ADAMTS19: variants seen among roughly 807,000 people sequenced by gnomAD.
ADAMTS19 encodes A disintegrin and metalloproteinase with thrombospondin motifs 19.
A neutral mutation model predicts 153.3 loss-of-function variants in ADAMTS19; 93 were observed. The ratio of observed to expected loss-of-function variants is 0.61; its 90% confidence interval spans 0.51 to 0.72. ADAMTS19 has a LOEUF of 0.72. Ranked by LOEUF, ADAMTS19 falls within the 30% of genes least tolerant of loss-of-function variation. The pLI is 0.00. For missense variants in ADAMTS19, 1,482 were observed against 1,552.1 expected (o/e 0.95, Z 0.76); for synonymous variants, 600 against 556.6 (o/e 1.08, Z -1.10).
At chr5:129,584,496 GC>G (rs1346346360) in intron 7 of ADAMTS19, among the ~76,000 whole-genome samples, 1 of 152,154 alleles carries the variant, frequency 6.6e-6, no homozygotes, top group Non-Finnish European at 1.5e-5. Context: ...TGCACCCACA[GC>G]CGCCCCTTCA....
chr5:129,519,410 T>C (rs750962331), intron 3 of ADAMTS19, among the ~76,000 whole-genome samples: 3 of 152,064 alleles, frequency 2.0e-5, no homozygotes, highest in Non-Finnish European at 2.9e-5. Context: ...AGGAGTCTCT[T>C]TGGAGCCACC....
intron 16 of ADAMTS19, among the ~76,000 whole-genome samples, chr5:129,675,599 T>C (rs1267544438): frequency 6.6e-6 from 1 of 152,128 alleles, no homozygotes; most frequent in Non-Finnish European, 1.5e-5. Flanking sequence ...ATCATTACAG[T>C]TATTATATAT....
intron 17 of ADAMTS19, among the ~76,000 whole-genome samples, chr5:129,682,824 C>T (rs1378275302): frequency 2.0e-5 from 3 of 152,050 alleles, no homozygotes; most frequent in Non-Finnish European, 2.9e-5. Flanking sequence ...AAAGTCGACA[C>T]ACTAGTCTCC....
chr5:129,499,671 G>A (rs1177311280), intron 2 of ADAMTS19, among the ~76,000 whole-genome samples: 2 of 152,084 alleles, frequency 1.3e-5, no homozygotes, highest in Admixed American at 1.3e-4. Context: ...AAGCCCTCAT[G>A]AAGCACACCA....
intron 10 of ADAMTS19, among the ~76,000 whole-genome samples, chr5:129,631,030 T>C (rs956746784): frequency 4.6e-5 from 7 of 151,926 alleles, no homozygotes; most frequent in Non-Finnish European, 1.0e-4. Context: ...AAGACCTACA[T>C]TTGCATATAC....
intron 2 of ADAMTS19, among the ~76,000 whole-genome samples, chr5:129,486,374 G>A (rs866520104): frequency 2.0e-5 from 3 of 151,960 alleles, no homozygotes; most frequent in Admixed American, 6.6e-5. Flanking sequence ...TAGATAAAAA[G>A]AATAATACAT....
chr5:129,580,553 G>T (rs988477348), intron 7 of ADAMTS19, among the ~76,000 whole-genome samples: 1 of 152,152 alleles, frequency 6.6e-6, no homozygotes, highest in Non-Finnish European at 1.5e-5. Flanking sequence ...CATTCACTAT[G>T]ATATTGGCAG....
At chr5:129,687,293 C>T (rs747593661) in intron 18 of ADAMTS19, among the ~76,000 whole-genome samples, 15 of 152,020 alleles carry the variant, frequency 9.9e-5, no homozygotes, top group African/African-American at 2.7e-4. Flanking sequence ...ACCACTGAAA[C>T]GCAGTTGTTA....
intron 18 of ADAMTS19, among the ~76,000 whole-genome samples, chr5:129,687,608 A>T (rs1227591318): frequency 1.3e-5 from 2 of 152,134 alleles, no homozygotes; most frequent in Non-Finnish European, 2.9e-5. Flanking sequence ...CTTAAACATA[A>T]CTTCTTAATT....
intron 16 of ADAMTS19, among the ~76,000 whole-genome samples, chr5:129,672,001 A>G (rs930346069): frequency 1.3e-5 from 2 of 152,290 alleles, no homozygotes; most frequent in African/African-American, 2.4e-5. Flanking sequence ...ACAAAGTGCC[A>G]TGGACTTTGT....
At chr5:129,635,100 G>T (rs559092135) in intron 10 of ADAMTS19, among the ~76,000 whole-genome samples, 1 of 152,186 alleles carries the variant, frequency 6.6e-6, no homozygotes, top group Non-Finnish European at 1.5e-5. Context: ...CCAATAAAAG[G>T]TGGGCAAAGG....
intron 2 of ADAMTS19, among the ~76,000 whole-genome samples, chr5:129,484,654 G>A (rs532901012): frequency 8.5e-5 from 13 of 152,116 alleles, no homozygotes; most frequent in African/African-American, 3.1e-4. Flanking sequence ...CCTTATTGAT[G>A]GAGGTTCATT....
chr5:129,577,797 G>C (rs1192321053), intron 7 of ADAMTS19, among the ~76,000 whole-genome samples: 3 of 151,874 alleles, frequency 2.0e-5, no homozygotes, highest in Non-Finnish European at 2.9e-5. Flanking sequence ...ATATTGCCTT[G>C]ATATCTTTAA....
chr5:129,569,637 G>T (rs1753828993), intron 7 of ADAMTS19, among the ~76,000 whole-genome samples: 1 of 152,036 alleles, frequency 6.6e-6, no homozygotes, highest in Non-Finnish European at 1.5e-5. Flanking sequence ...GGGCAAAATG[G>T]AATTTAACTT....
chr5:129,688,194 A>G (rs1032135763), intron 18 of ADAMTS19: 3 of 152,206 alleles, frequency 2.0e-5, no homozygotes, highest in Admixed American at 6.5e-5. Context: ...ATCTTTCAGC[A>G]TATTCATGAA....
intron 10 of ADAMTS19, among the ~76,000 whole-genome samples, chr5:129,622,850 T>C (rs1751843474): frequency 6.6e-6 from 1 of 152,168 alleles, no homozygotes; most frequent in Admixed American, 6.5e-5. Context: ...GCTATGTAAT[T>C]ATTATACTAT....
intron 7 of ADAMTS19, among the ~76,000 whole-genome samples, chr5:129,570,827 TGTC>T (rs1753875611): frequency 6.6e-6 from 1 of 151,884 alleles, no homozygotes; most frequent in Non-Finnish European, 1.5e-5. Flanking sequence ...ATGTTGACCA[TGTC>T]AACTGATGCA....
intron 8 of ADAMTS19, among the ~76,000 whole-genome samples, chr5:129,611,235 G>A (rs1182227166): frequency 1.3e-5 from 2 of 151,886 alleles, no homozygotes; most frequent in Admixed American, 1.3e-4. Flanking sequence ...CCATTCTGTA[G>A]GTTGCCTGTC....
chr5:129,628,374 A>G (rs1581163516), intron 10 of ADAMTS19, among the ~76,000 whole-genome samples: 1 of 152,168 alleles, frequency 6.6e-6, no homozygotes, highest in East Asian at 1.9e-4. Context: ...TACGTGGGTG[A>G]TGAAATCATC....
Sources: allele counts gnomAD v4.1 joint callset (sites outside exome capture counted in the v4.1 genomes callset), GRCh38; gene constraint gnomAD v4.1.1; transcripts MANE v1.5; gene names NCBI Gene and HGNC (gene_info 2026-07-23, HGNC 2026-07-21).